ADCY10: variants seen among roughly 807,000 people sequenced by gnomAD.
ADCY10 encodes adenylate cyclase 10.
ADCY10 carries 156 observed loss-of-function variants against 183.3 expected under a neutral mutation model. The observed-to-expected ratio is 0.85, with a 90% CI of 0.75 to 0.97. The LOEUF (loss-of-function observed/expected upper bound fraction) is 0.97. ADCY10 is among the 50% of genes least tolerant of loss of function. ADCY10 has a pLI of 0.00. For missense variants in ADCY10, 1,745 were observed against 1,934.3 expected (o/e 0.90, Z 1.84); for synonymous variants, 645 against 670.0 (o/e 0.96, Z 0.58).
intron 18 of ADCY10, among the ~76,000 whole-genome samples, chr1:167,853,391 G>C (rs1427406543): frequency 1.3e-5 from 2 of 152,022 alleles, no homozygotes; most frequent in Non-Finnish European, 2.9e-5. Flanking sequence ...GACCAGCTAG[G>C]GACCTTAGGA....
intron 18 of ADCY10, among the ~76,000 whole-genome samples, chr1:167,851,952 T>C (rs1480785139): frequency 6.6e-6 from 1 of 152,208 alleles, no homozygotes; most frequent in Non-Finnish European, 1.5e-5. Flanking sequence ...GGATTATGTA[T>C]CATATTTATT....
chr1:167,833,744 CA>C lies in ADCY10; in HGVS notation c.3417+225del, dbSNP rs539820019. Among the ~76,000 whole-genome samples, 27,037 of 98,276 alleles carry C rather than the reference CA, an allele frequency of 0.28. 2,871 individuals carry two copies. The highest frequency in any genetic ancestry group is 0.39 in the African/African-American group (11,470 of 29,392). 64.5% of individuals were successfully genotyped at this position (98,276 alleles called of 152,430 possible). On this transcript the variant is annotated intron_variant, in intron 24 of 32. Coordinates refer to ENST00000367851, the MANE Select transcript of ADCY10 (RefSeq NM_018417.6). ...TGGGCAACACAGCAAGACTCCCTCT[CA>C]AAAAAAAAAAAAAAAAAAGATGTAA...
intron 19 of ADCY10, among the ~76,000 whole-genome samples, chr1:167,847,226 C>G (rs1665109417): frequency 6.6e-6 from 1 of 152,036 alleles, no homozygotes; most frequent in Non-Finnish European, 1.5e-5. Context: ...TGCCTTCTTA[C>G]ATTAGTAGAC....
intron 26 of ADCY10, among the ~76,000 whole-genome samples, chr1:167,826,934 C>T (rs1663335996): frequency 1.3e-5 from 2 of 152,102 alleles, no homozygotes; most frequent in African/African-American, 4.8e-5. Context: ...ACTTCATGGC[C>T]TACAGAGCTA....
At chr1:167,878,963 G>A (rs187908932) in intron 11 of ADCY10, among the ~76,000 whole-genome samples, 118 of 152,318 alleles carry the variant, frequency 7.7e-4, no homozygotes, top group African/African-American at 2.2e-3. Context: ...GTGTCAGTTG[G>A]TCTTCTGCCA....
chr1:167,878,401 G>T, intron 12 of ADCY10, 45 bp downstream of exon 12: 2 of 1,590,300 alleles, frequency 1.3e-6, no homozygotes, highest in African/African-American at 1.3e-5. Context: ...TAATTCTCCC[G>T]CTTCTTTACT....
At position 167,912,246 on chromosome 1, in the gene ADCY10, T is replaced by G. The variant is rs140871390; in HGVS notation, c.-59+1730A>C. On this transcript the variant is annotated intron_variant, in intron 1 of 32. Coordinates refer to ENST00000367851, the MANE Select transcript of ADCY10 (RefSeq NM_018417.6). ...AAAGGGGTCCTTGGGAAATTTTCAT[T>G]TTTTAAAGCATCTCCAGAAAATTTC... Among the ~76,000 whole-genome samples the G allele has an allele frequency of 3.8e-3, 585 of 152,330 alleles. 6 individuals carry two copies. Among genetic ancestry groups the G allele is most frequent in the East Asian group, 0.021 (107 of 5,182 alleles).
chr1:167,904,576 G>A (rs1032545067), intron 2 of ADCY10: 13 of 402,394 alleles, frequency 3.2e-5, no homozygotes, highest in Admixed American at 1.2e-4. Context: ...TTTTCATTCC[G>A]TGGTAACAAA....
At chr1:167,910,493 A>G (rs1263871381) in intron 1 of ADCY10, among the ~76,000 whole-genome samples, 11 of 152,204 alleles carry the variant, frequency 7.2e-5, no homozygotes, top group Non-Finnish European at 4.4e-5. Flanking sequence ...AGTGGGGGAC[A>G]TGGGTGTGTA....
At chr1:167,833,186 G>C in intron 24 of ADCY10, 24 bp from the exon 25 acceptor site, 4 of 1,602,596 alleles carry the variant, frequency 2.5e-6, no homozygotes, top group Admixed American at 1.7e-5. Context: ...GGAGGGAAGA[G>C]AGGAAAAGAG....
chr1:167,840,875 T>A (rs1664576172), intron 21 of ADCY10, among the ~76,000 whole-genome samples: 1 of 152,004 alleles, frequency 6.6e-6, no homozygotes, highest in African/African-American at 2.4e-5. Context: ...TCAGACTACC[T>A]CTTGGGTTTA....
chr1:167,863,977 C>T (rs540759229), intron 14 of ADCY10, among the ~76,000 whole-genome samples: 1 of 152,008 alleles, frequency 6.6e-6, no homozygotes, highest in African/African-American at 2.4e-5. Context: ...TGGGAACTTG[C>T]CCACTCCATT....
At chr1:167,888,720 C>T (rs1265537536) in intron 8 of ADCY10, among the ~76,000 whole-genome samples, 6 of 151,638 alleles carry the variant, frequency 4.0e-5, no homozygotes, top group Admixed American at 1.3e-4. Context: ...ATTAAAAACA[C>T]AAAAAATTAG....
At chr1:167,876,366 T>C (rs953039507) in intron 12 of ADCY10, among the ~76,000 whole-genome samples, 5 of 152,024 alleles carry the variant, frequency 3.3e-5, no homozygotes, top group African/African-American at 1.2e-4. Flanking sequence ...TAACACAGGA[T>C]ACTGACAGTA....
chr1:167,850,307 G>GT (rs1273037114), intron 18 of ADCY10, among the ~76,000 whole-genome samples: 1 of 152,116 alleles, frequency 6.6e-6, no homozygotes, highest in African/African-American at 2.4e-5. Flanking sequence ...AGAAGGAGGG[G>GT]TGGTTGAGCG....
At chr1:167,868,564 G>GC (rs1666862838) in intron 14 of ADCY10, among the ~76,000 whole-genome samples, 1 of 152,016 alleles carries the variant, frequency 6.6e-6, no homozygotes, top group Non-Finnish European at 1.5e-5. Flanking sequence ...GGACTAGACA[G>GC]CCCCCCACTA....
At chr1:167,811,035 C>T in intron 31 of ADCY10, 122 bp from the exon 32 acceptor site, 1 of 910,658 alleles carries the variant, frequency 1.1e-6, no homozygotes, top group East Asian at 2.6e-5. Context: ...TGAGAAAATA[C>T]ATTATAGAGA....
intron 19 of ADCY10, among the ~76,000 whole-genome samples, chr1:167,847,333 G>A (rs1419795388): frequency 6.6e-6 from 1 of 152,154 alleles, no homozygotes; most frequent in Non-Finnish European, 1.5e-5. Context: ...CTTATGGATG[G>A]CATGAATTGG....
chr1:167,868,192 T>C (rs962359291), intron 14 of ADCY10, among the ~76,000 whole-genome samples: 1 of 152,192 alleles, frequency 6.6e-6, no homozygotes, highest in Admixed American at 6.5e-5. Context: ...TAGCCGAGCA[T>C]GTAGCCCAGT....
Sources: allele counts gnomAD v4.1 joint callset (sites outside exome capture counted in the v4.1 genomes callset), GRCh38; gene constraint gnomAD v4.1.1; transcripts MANE v1.5; gene names NCBI Gene and HGNC (gene_info 2026-07-23, HGNC 2026-07-21).